Variants in ST6GALNAC5 observed in about 807,000 individuals in gnomAD.
ST6GALNAC5 encodes ST6 N-acetylgalactosaminide alpha-2,6-sialyltransferase 5, also known as alpha-N-acetylgalactosaminide alpha-2,6-sialyltransferase 5.
In ST6GALNAC5, 27 loss-of-function variants were observed where a neutral mutation model predicts 33.6. The observed-to-expected ratio is 0.80, with a 90% CI of 0.59 to 1.11. The LOEUF (loss-of-function observed/expected upper bound fraction) is 1.11, where lower values mean the gene tolerates loss of function less well. Among genes scored for constraint, ST6GALNAC5 ranks in the 50% least tolerant of loss-of-function variants. ST6GALNAC5 has a pLI of 0.00. For synonymous variants in ST6GALNAC5, 194 were observed against 171.2 expected, an observed-to-expected ratio of 1.13 and a Z score of -1.04; for missense variants, 428 against 454.0, an observed-to-expected ratio of 0.94 and a Z score of 0.52.
At chr1:76,898,977 G>T (rs559710184) in intron 2 of ST6GALNAC5, among the ~76,000 whole-genome samples, 1 of 152,114 alleles carries the variant, frequency 6.6e-6, no homozygotes, top group Non-Finnish European at 1.5e-5. Flanking sequence ...AGTTGCATTG[G>T]GAACAGAGAC....
intron 4 of ST6GALNAC5, chr1:77,060,287 A>G (rs1570150508): frequency 6.6e-6 from 1 of 152,200 alleles, no homozygotes; most frequent in South Asian, 2.1e-4. Context: ...CTTGAGTACC[A>G]GAATTCCTTT....
intron 2 of ST6GALNAC5, among the ~76,000 whole-genome samples, chr1:76,957,372 T>C (rs1648045008): frequency 6.6e-6 from 1 of 152,184 alleles, no homozygotes; most frequent in Admixed American, 6.5e-5. Context: ...GTCCCTCCTC[T>C]CTTCTTATAA....
intron 2 of ST6GALNAC5, among the ~76,000 whole-genome samples, chr1:76,957,516 G>A (rs1648051463): frequency 6.6e-6 from 1 of 152,106 alleles, no homozygotes; most frequent in Non-Finnish European, 1.5e-5. Flanking sequence ...AATTTTGGTG[G>A]ATATTATTTA....
At chr1:76,980,604 G>C (rs990439815) in intron 2 of ST6GALNAC5, among the ~76,000 whole-genome samples, 3 of 152,120 alleles carry the variant, frequency 2.0e-5, no homozygotes, top group African/African-American at 7.2e-5. Context: ...GAAAATTAAA[G>C]CCTCTTTAAA....
chr1:76,915,750 G>A (rs745749172), intron 2 of ST6GALNAC5, among the ~76,000 whole-genome samples: 3 of 151,604 alleles, frequency 2.0e-5, no homozygotes, highest in South Asian at 2.1e-4. Context: ...GCTAAATGAC[G>A]AGTTAATGGG....
intron 2 of ST6GALNAC5, among the ~76,000 whole-genome samples, chr1:76,950,693 T>G (rs1399068725): frequency 9.2e-5 from 14 of 151,930 alleles, no homozygotes; most frequent in Admixed American, 9.2e-4. Context: ...TTTTCCAGAT[T>G]GAATGGGTTA....
At chr1:77,036,421 T>A (rs1447193700) in intron 2 of ST6GALNAC5, among the ~76,000 whole-genome samples, 2 of 152,148 alleles carry the variant, frequency 1.3e-5, no homozygotes, top group African/African-American at 2.4e-5. Flanking sequence ...GGTTTGCAAA[T>A]TAATCTCAAT....
chr1:76,890,338 A>G (rs1653988527), intron 2 of ST6GALNAC5, among the ~76,000 whole-genome samples: 1 of 152,060 alleles, frequency 6.6e-6, no homozygotes, highest in Non-Finnish European at 1.5e-5. Context: ...TACGTTCCCT[A>G]TGCTTGCTGG....
intron 2 of ST6GALNAC5, among the ~76,000 whole-genome samples, chr1:77,040,669 G>A (rs1463941195): frequency 6.6e-6 from 1 of 152,202 alleles, no homozygotes; most frequent in South Asian, 2.1e-4. Context: ...AATTAATTAA[G>A]GGGAAAGAGA....
intron 2 of ST6GALNAC5, among the ~76,000 whole-genome samples, chr1:77,015,854 A>G (rs1650811389): frequency 6.6e-6 from 1 of 152,042 alleles, no homozygotes; most frequent in African/African-American, 2.4e-5. Flanking sequence ...TTAGAGGCCA[A>G]AATACAAGGA....
chr1:76,972,452 T>C (rs1340842824), intron 2 of ST6GALNAC5, among the ~76,000 whole-genome samples: 3 of 152,204 alleles, frequency 2.0e-5, no homozygotes, highest in Non-Finnish European at 4.4e-5. Flanking sequence ...ACTTTACACA[T>C]GATTATGCAT....
chr1:76,913,557 A>C (rs1646936377), intron 2 of ST6GALNAC5, among the ~76,000 whole-genome samples: 1 of 152,126 alleles, frequency 6.6e-6, no homozygotes, highest in Non-Finnish European at 1.5e-5. Flanking sequence ...CAGGTAAACC[A>C]ATCAGATGCA....
intron 2 of ST6GALNAC5, among the ~76,000 whole-genome samples, chr1:76,960,490 C>T (rs1163213748): frequency 6.6e-6 from 1 of 152,122 alleles, no homozygotes; most frequent in Non-Finnish European, 1.5e-5. Flanking sequence ...TCATTGATAA[C>T]ATCTTATCAG....
intron 2 of ST6GALNAC5, among the ~76,000 whole-genome samples, chr1:77,043,996 C>A (rs960849697): frequency 1.3e-5 from 2 of 152,138 alleles, no homozygotes; most frequent in African/African-American, 4.8e-5. Context: ...TGCTAGCTCC[C>A]TTTTGCTCTT....
chr1:76,988,631 A>T (rs137927434), intron 2 of ST6GALNAC5, among the ~76,000 whole-genome samples: 1 of 152,242 alleles, frequency 6.6e-6, no homozygotes, highest in East Asian at 1.9e-4. Context: ...TTGATTTGCC[A>T]ACTTTAAATG....
intron 2 of ST6GALNAC5, among the ~76,000 whole-genome samples, chr1:76,967,188 G>T (rs969151259): frequency 1.3e-5 from 2 of 152,126 alleles, no homozygotes; most frequent in African/African-American, 2.4e-5. Flanking sequence ...GCTCCTCTTT[G>T]TATCTCTGGT....
chr1:77,015,388 T>C (rs1261627944), intron 2 of ST6GALNAC5, among the ~76,000 whole-genome samples: 7 of 152,160 alleles, frequency 4.6e-5, no homozygotes, highest in Non-Finnish European at 1.0e-4. Flanking sequence ...GCTACTTTAC[T>C]GAGTCCACCA....
intron 2 of ST6GALNAC5, among the ~76,000 whole-genome samples, chr1:77,015,788 G>C (rs1000613689): frequency 5.9e-5 from 9 of 152,176 alleles, no homozygotes; most frequent in African/African-American, 2.2e-4. Flanking sequence ...TTTTCAGGCA[G>C]AGGGAACAGC....
At chr1:77,054,875 A>G (rs969717529) in intron 4 of ST6GALNAC5, among the ~76,000 whole-genome samples, 1 of 152,132 alleles carries the variant, frequency 6.6e-6, no homozygotes, top group African/African-American at 2.4e-5. Context: ...GAAAGATAGC[A>G]TTGCATTCAC....
Sources: gnomAD v4.1 joint callset for allele counts (sites outside exome capture counted in the v4.1 genomes callset) on GRCh38, gnomAD v4.1.1 for gene constraint, MANE v1.5 for transcripts, NCBI Gene and HGNC (gene_info 2026-07-23, HGNC 2026-07-21) for gene names.